TRHDE: variants seen among roughly 807,000 people sequenced by gnomAD.
TRHDE encodes thyrotropin releasing hormone degrading enzyme, also known as thyrotropin-releasing hormone-degrading ectoenzyme.
Under a neutral mutation model 125.7 loss-of-function variants are expected in TRHDE, and 72 were observed. That is an observed-to-expected ratio of 0.57 (90% CI 0.47 to 0.70). The LOEUF (loss-of-function observed/expected upper bound fraction) is 0.70. Ranked by LOEUF, TRHDE falls within the 30% of genes least tolerant of loss-of-function variation. The pLI is 0.00. For synonymous variants in TRHDE, 509 were observed against 509.1 expected (o/e 1.00, Z 0.00); for missense variants, 1,110 against 1,327.1 (o/e 0.84, Z 2.54).
intron 3 of TRHDE, among the ~76,000 whole-genome samples, chr12:72,465,422 G>A (rs1876325131): frequency 6.6e-6 from 1 of 152,094 alleles, no homozygotes; most frequent in Non-Finnish European, 1.5e-5. Context: ...TGACTCTATA[G>A]ATTAGTTTGC....
intron 2 of TRHDE, among the ~76,000 whole-genome samples, chr12:72,245,865 C>T (rs1402432297): frequency 6.6e-6 from 1 of 152,040 alleles, no homozygotes; most frequent in African/African-American, 2.4e-5. Context: ...TAAGTTCATA[C>T]ACATACACCT....
chr12:72,337,711 G>A (rs1297543388), intron 2 of TRHDE, among the ~76,000 whole-genome samples: 1 of 152,008 alleles, frequency 6.6e-6, no homozygotes, highest in African/African-American at 2.4e-5. Context: ...AGTCAGACGA[G>A]TTCCTGCTTA....
chr12:72,371,172 T>C (rs1365623028), intron 2 of TRHDE, among the ~76,000 whole-genome samples: 1 of 152,064 alleles, frequency 6.6e-6, no homozygotes, highest in Non-Finnish European at 1.5e-5. Flanking sequence ...CTCCTCTTGG[T>C]AGCTTCCTGT....
In TRHDE at chr12:72,603,978, T is replaced by C. The variant is rs1181892625; in HGVS notation, c.2322-14913T>C. Among the ~76,000 whole-genome samples, 3 of 152,172 alleles carry C rather than the reference T, an allele frequency of 2.0e-5. No individual in the cohort carries two copies. The South Asian group carries it at 6.2e-4, about 31-fold the overall frequency. On this transcript the variant is annotated intron_variant, in intron 12 of 18. Coordinates refer to ENST00000261180, the MANE Select transcript of TRHDE (RefSeq NM_013381.3). ...TGGCTAGAATACAAAGTATTGTATG[T>C]AATCAAGTTATCCTTTGGCTGCTAA...
chr12:72,621,873 AC>A, intron 15 of TRHDE, 122 bp downstream of exon 15: 1 of 705,208 alleles, frequency 1.4e-6, no homozygotes, highest in Non-Finnish European at 2.3e-6. Flanking sequence ...GCATGCAGCA[AC>A]ATTTTGTGTC....
chr12:72,374,379 T>C (rs1871778297), intron 2 of TRHDE, among the ~76,000 whole-genome samples: 1 of 151,526 alleles, frequency 6.6e-6, no homozygotes, highest in Non-Finnish European at 1.5e-5. Context: ...AGATGCTTGT[T>C]AGATCTCCAA....
intron 3 of TRHDE, among the ~76,000 whole-genome samples, chr12:72,417,583 A>G (rs1873785049): frequency 6.6e-6 from 1 of 151,950 alleles, no homozygotes; most frequent in East Asian, 1.9e-4. Context: ...ATTGTACTGG[A>G]AGGTGGGACT....
intron 6 of TRHDE, among the ~76,000 whole-genome samples, chr12:72,537,449 C>T (rs1868923015): frequency 6.6e-6 from 1 of 151,970 alleles, no homozygotes. Flanking sequence ...GGTAGTTTTT[C>T]CTGCGTGCTC....
chr12:72,496,471 G>A (rs772835969), intron 5 of TRHDE, among the ~76,000 whole-genome samples: 2 of 152,074 alleles, frequency 1.3e-5, no homozygotes, highest in South Asian at 2.1e-4. Flanking sequence ...TTATAAAACC[G>A]TCAGATCTCA....
chr12:72,507,685 T>A (rs1878409093), intron 6 of TRHDE, among the ~76,000 whole-genome samples: 1 of 152,206 alleles, frequency 6.6e-6, no homozygotes, highest in African/African-American at 2.4e-5. Context: ...AAAACCCATT[T>A]TCGGGGAGGA....
chr12:72,461,530 G>C (rs1039799938), intron 3 of TRHDE, among the ~76,000 whole-genome samples: 1 of 151,888 alleles, frequency 6.6e-6, no homozygotes, highest in African/African-American at 2.4e-5. Flanking sequence ...AATCTTCAGA[G>C]CAAGATGTTC....
At chr12:72,637,784 G>A (rs1206240332) in intron 15 of TRHDE, among the ~76,000 whole-genome samples, 1 of 152,084 alleles carries the variant, frequency 6.6e-6, no homozygotes, top group African/African-American at 2.4e-5. Flanking sequence ...TCAGGAGCAG[G>A]TTGTTCAGTT....
chr12:72,145,493 C>A (rs888282131), intron 2 of TRHDE, among the ~76,000 whole-genome samples: 3 of 152,202 alleles, frequency 2.0e-5, no homozygotes, highest in Non-Finnish European at 4.4e-5. Flanking sequence ...TTTTAATATA[C>A]ATCCTGAATT....
chr12:72,639,079 G>T (rs1471183274), intron 15 of TRHDE, among the ~76,000 whole-genome samples: 1 of 150,468 alleles, frequency 6.6e-6, no homozygotes, highest in Non-Finnish European at 1.5e-5. Flanking sequence ...AAGTTCTCCT[G>T]GATAATATCC....
chr12:72,209,095 G>GCAGC (rs767479862), intron 2 of TRHDE, among the ~76,000 whole-genome samples: 3 of 152,110 alleles, frequency 2.0e-5, no homozygotes, highest in Admixed American at 6.5e-5. Context: ...CTGCTTAGCT[G>GCAGC]GACTTGTGGT....
chr12:72,573,230 CTGTTT>C (rs1337473180), intron 10 of TRHDE, among the ~76,000 whole-genome samples: 2 of 151,760 alleles, frequency 1.3e-5, no homozygotes, highest in African/African-American at 4.8e-5. Flanking sequence ...ATTAAGATCT[CTGTTT>C]TGAGGTTATT....
chr12:72,538,461 C>T (rs1378273625), intron 6 of TRHDE, among the ~76,000 whole-genome samples: 1 of 151,982 alleles, frequency 6.6e-6, no homozygotes, highest in Non-Finnish European at 1.5e-5. Context: ...AAGTGCAAGT[C>T]ATAAAACAGA....
intron 2 of TRHDE, among the ~76,000 whole-genome samples, chr12:72,134,241 T>C (rs1218822610): frequency 6.6e-6 from 1 of 152,132 alleles, no homozygotes; most frequent in African/African-American, 2.4e-5. Flanking sequence ...CTGGACACTT[T>C]CCAGAAAGAG....
At chr12:72,522,790 G>A (rs1387687825) in intron 6 of TRHDE, among the ~76,000 whole-genome samples, 4 of 151,994 alleles carry the variant, frequency 2.6e-5, no homozygotes, top group African/African-American at 7.3e-5. Context: ...CTATAAACCC[G>A]ATGGAGAATT....
Sources: allele counts gnomAD v4.1 joint callset (sites outside exome capture counted in the v4.1 genomes callset), GRCh38; gene constraint gnomAD v4.1.1; transcripts MANE v1.5; gene names NCBI Gene and HGNC (gene_info 2026-07-23, HGNC 2026-07-21).